Variants in ZRANB3 observed in about 807,000 individuals in gnomAD.
The protein encoded by ZRANB3 is DNA annealing helicase and endonuclease ZRANB3.
In ZRANB3, 125 loss-of-function variants were observed where a neutral mutation model predicts 133.8. The ratio of observed to expected loss-of-function variants is 0.93; its 90% CI spans 0.81 to 1.08. The LOEUF (loss-of-function observed/expected upper bound fraction) is 1.08. Among genes scored for constraint, ZRANB3 ranks in the 50% least tolerant of loss-of-function variants. ZRANB3 has a pLI of 0.00. For missense variants in ZRANB3, 1,229 were observed against 1,275.5 expected, an observed-to-expected ratio of 0.96 and a Z score of 0.56; for synonymous variants, 387 against 432.7, an observed-to-expected ratio of 0.89 and a Z score of 1.31.
At chr2:135,457,519 T>C (rs1399074283) in intron 2 of ZRANB3, among the ~76,000 whole-genome samples, 1 of 152,198 alleles carries the variant, frequency 6.6e-6, no homozygotes, top group Non-Finnish European at 1.5e-5. Context: ...ATTAAAGATG[T>C]TCAGCATCTT....
At chr2:135,299,519 G>A (rs574288864) in intron 8 of ZRANB3, among the ~76,000 whole-genome samples, 217 of 152,278 alleles carry the variant, frequency 1.4e-3, no homozygotes, top group Middle Eastern at 6.8e-3. Flanking sequence ...GCACTAGGTC[G>A]AAATTATTAG....
At position 135,223,431 on chromosome 2, in the gene ZRANB3, T is replaced by A. The variant is rs1217840364; in HGVS notation, c.2250+995A>T. Among the ~76,000 whole-genome samples, 5 of 151,248 alleles carry A rather than the reference T, an allele frequency of 3.3e-5. No homozygotes were observed. In the East Asian group the frequency reaches 1.0e-3, roughly 30 times the overall value. On this transcript the variant is annotated intron_variant, in intron 15 of 20. Coordinates refer to ENST00000264159, the MANE Select transcript of ZRANB3 (RefSeq NM_032143.4). ...ACCTCTGCCTCCCAGGTTCAAGCGA[T>A]TCTCCTGCCTCAGCCTCCTGAGTAG...
intron 5 of ZRANB3, among the ~76,000 whole-genome samples, chr2:135,346,031 T>C (rs1002252990): frequency 6.6e-6 from 1 of 152,242 alleles, no homozygotes. Flanking sequence ...ATGATGTAGA[T>C]GTACTGTAAA....
intron 19 of ZRANB3, among the ~76,000 whole-genome samples, chr2:135,204,297 C>G (rs1185496552): frequency 1.3e-5 from 2 of 151,966 alleles, no homozygotes; most frequent in Non-Finnish European, 1.5e-5. Context: ...CTACAAATGG[C>G]GGTCTTGTGC....
intron 19 of ZRANB3, among the ~76,000 whole-genome samples, chr2:135,204,922 C>T (rs946558871): frequency 1.3e-5 from 2 of 151,714 alleles, no homozygotes; most frequent in African/African-American, 4.8e-5. Context: ...CTTTCAATGA[C>T]CTTGAGTCAT....
intron 2 of ZRANB3, among the ~76,000 whole-genome samples, chr2:135,456,977 ACT>A (rs1279669367): frequency 1.3e-5 from 2 of 152,194 alleles, no homozygotes; most frequent in African/African-American, 4.8e-5. Context: ...CCTGAAATTC[ACT>A]CTTTTAAAGC....
intron 8 of ZRANB3, among the ~76,000 whole-genome samples, chr2:135,283,131 A>G (rs1314347594): frequency 1.3e-5 from 2 of 151,782 alleles, no homozygotes; most frequent in East Asian, 3.9e-4. Context: ...CAAAAAATTT[A>G]AAAATTAGCC....
At chr2:135,410,807 TGAACAGACAC>T (rs1433958555) in intron 2 of ZRANB3, among the ~76,000 whole-genome samples, 2 of 152,122 alleles carry the variant, frequency 1.3e-5, no homozygotes, top group Non-Finnish European at 2.9e-5. Context: ...GCAAAGGGCA[TGAACAGACAC>T]TTCTCAAAAG....
At chr2:135,500,222 A>C (rs940524505) in intron 2 of ZRANB3, among the ~76,000 whole-genome samples, 1 of 152,206 alleles carries the variant, frequency 6.6e-6, no homozygotes, top group African/African-American at 2.4e-5. Context: ...TAATATAGGC[A>C]TTATCTACTA....
intron 2 of ZRANB3, among the ~76,000 whole-genome samples, chr2:135,491,274 C>T (rs1692359952): frequency 6.6e-6 from 1 of 152,004 alleles, no homozygotes; most frequent in Admixed American, 6.6e-5. Context: ...AAATTACATA[C>T]CTAACAGAAG....
intron 9 of ZRANB3, 59 bp downstream of exon 9, chr2:135,275,577 G>A (rs1044673294): frequency 1.4e-6 from 2 of 1,426,962 alleles, no homozygotes; most frequent in Admixed American, 2.5e-5. Context: ...TACAACTGAT[G>A]TTTAGTATAG....
intron 1 of ZRANB3, among the ~76,000 whole-genome samples, chr2:135,526,813 C>T (rs914491056): frequency 6.6e-6 from 1 of 152,212 alleles, no homozygotes; most frequent in Non-Finnish European, 1.5e-5. Flanking sequence ...ACAACCTGCT[C>T]TCTCTGAAGT....
At chr2:135,384,838 G>A (rs1686889342) in intron 3 of ZRANB3, among the ~76,000 whole-genome samples, 1 of 152,136 alleles carries the variant, frequency 6.6e-6, no homozygotes, top group Non-Finnish European at 1.5e-5. Flanking sequence ...TTGATGGGAT[G>A]TATCTCAAAA....
intron 2 of ZRANB3, among the ~76,000 whole-genome samples, chr2:135,479,152 T>A (rs188936146): frequency 6.6e-6 from 1 of 152,130 alleles, no homozygotes; most frequent in Non-Finnish European, 1.5e-5. Context: ...ATGTATGTAG[T>A]GGCATTCCAA....
intron 6 of ZRANB3, among the ~76,000 whole-genome samples, chr2:135,339,810 C>T (rs894361682): frequency 6.6e-6 from 1 of 152,112 alleles, no homozygotes; most frequent in Non-Finnish European, 1.5e-5. Context: ...TATTTGTTTA[C>T]ATTTTTTGCA....
intron 13 of ZRANB3, among the ~76,000 whole-genome samples, chr2:135,229,359 T>C (rs1183149460): frequency 6.6e-6 from 1 of 150,702 alleles, no homozygotes; most frequent in Admixed American, 6.6e-5. Flanking sequence ...TCTTTGTCAA[T>C]GCCAATATTT....
chr2:135,278,988 G>A (rs1055979039), intron 8 of ZRANB3, among the ~76,000 whole-genome samples: 2 of 151,948 alleles, frequency 1.3e-5, no homozygotes, highest in African/African-American at 2.4e-5. Flanking sequence ...TCCGTATTAA[G>A]AAGCCAATTG....
At chr2:135,485,424 T>G (rs531370910) in intron 2 of ZRANB3, among the ~76,000 whole-genome samples, 1 of 152,184 alleles carries the variant, frequency 6.6e-6, no homozygotes, top group Admixed American at 6.5e-5. Context: ...TTTGCCCTGC[T>G]AGCCATCTTT....
At chr2:135,223,290 T>C (rs1694626989) in intron 15 of ZRANB3, among the ~76,000 whole-genome samples, 1 of 151,762 alleles carries the variant, frequency 6.6e-6, no homozygotes. Flanking sequence ...AAAAATGTAA[T>C]TGTTAATTAT....
Sources: allele counts gnomAD v4.1 joint callset (sites outside exome capture counted in the v4.1 genomes callset), GRCh38; gene constraint gnomAD v4.1.1; transcripts MANE v1.5; gene names NCBI Gene and HGNC (gene_info 2026-07-23, HGNC 2026-07-21).